KHNYN: variants seen among roughly 807,000 people sequenced by gnomAD.
KHNYN encodes the protein KH and NYN domain containing, also known as protein KHNYN.
A neutral mutation model predicts 62.7 loss-of-function variants in KHNYN; 42 were observed. That is an observed-to-expected ratio of 0.67 (90% confidence interval 0.52 to 0.87). The LOEUF is 0.87. KHNYN is among the 40% of genes least tolerant of loss of function. KHNYN has a pLI of 0.00. For synonymous variants in KHNYN, 347 were observed against 345.6 expected, an observed-to-expected ratio of 1.00 and a Z score of -0.04; for missense variants, 829 against 874.1, an observed-to-expected ratio of 0.95 and a Z score of 0.65.
chr14:24,432,265 C>T lies in KHNYN; in HGVS notation c.1004C>T (p.Ala335Val). 1 of 1,612,968 alleles carries T rather than the reference C, an allele frequency of 6.2e-7. No individual in the cohort carries two copies. The highest frequency in any genetic ancestry group is 8.5e-7 in the Non-Finnish European group (1 of 1,179,352). The stretch of plus-strand genomic sequence containing the variant: ...GGTGCCCATGGCTCCTGTCACAGGG[C>T]AGCTCAGTCCCGAGGAGCCTCCCTC... ...PPGAHGSCHR[A>V]AQSRGASLLQ... Residue 335 changes from alanine (A) to valine (V), a missense_variant, in exon 3 of 8, where the codon GCA (alanine) becomes GTA (valine). By Grantham distance (64) the Ala-to-Val change is moderately conservative. Transcript: ENST00000553935. This position sits in a 1 kb window ranked among gnomAD's most constrained non-coding sequence, Gnocchi z 5.6.
rs151285340 is a variant in KHNYN at position 24,431,990 on chromosome 14, A to C, written c.729A>C (p.Gly243=). Residue 243 remains glycine (G), a synonymous_variant, in exon 3 of 8, where the codon GGA becomes GGC. Coordinates refer to ENST00000553935, the MANE Select transcript of KHNYN (RefSeq NM_015299.3). The part of the protein sequence containing the change: ...ESLDTGSMGP[G]DCRGARGDTY... The stretch of plus-strand genomic sequence containing the variant: ...TGGACACTGGATCTATGGGACCCGG[A>C]GATTGCAGGGGAGCAAGGGGAGACA... 6 of 1,611,828 alleles carry C rather than the reference A, an allele frequency of 3.7e-6. No individual in the cohort carries two copies. Among genetic ancestry groups the C allele is most frequent in the Non-Finnish European group, 5.1e-6 (6 of 1,178,466 alleles).
chr14:24,440,490 C>T lies in KHNYN; in HGVS notation c.*3205C>T, dbSNP rs775835935. On this transcript the variant is annotated 3_prime_UTR_variant, in exon 8 of 8. Coordinates refer to ENST00000553935, the MANE Select transcript of KHNYN (RefSeq NM_015299.3). ...GCACCACCCCCACGGCCCAGCACAA[C>T]CCCTAGAGCAGGAAAGAGGGAAGGT... The T allele has an allele frequency of 3.1e-6, 5 of 1,602,452 alleles. No individual in the cohort carries two copies. In the South Asian group the frequency reaches 4.5e-5, roughly 14 times the overall value.
At chr14:24,429,613 G>T, upstream of KHNYN, 1 of 1,005,152 alleles carries the variant, frequency 9.9e-7, no homozygotes, top group Non-Finnish European at 1.3e-6. Context: ...TACCCCCTCC[G>T]CCACGATTGC....
chr14:24,431,872 G>A lies in KHNYN; in HGVS notation c.611G>A (p.Gly204Glu). 2 of 1,614,080 alleles carry A rather than the reference G, an allele frequency of 1.2e-6. No individual in the cohort carries two copies. The highest frequency in any genetic ancestry group is 8.5e-7 in the Non-Finnish European group (1 of 1,180,028). ...VQEASSGQGP[G>E]ALASWEGRSS... ...GAGGCGTCTAGTGGGCAGGGGCCAG[G>A]AGCACTGGCTTCTTGGGAGGGGCGG... is the stretch of plus-strand genomic sequence containing the variant. Residue 204 changes from glycine to glutamate, a missense_variant, in exon 3 of 8, where the codon GGA (glycine) becomes GAA (glutamate). Around this residue, in one of 2 missense-constraint regions of KHNYN, gnomAD observed 559 missense variants for 527.0 expected, o/e 1.06. Transcript: ENST00000553935.
rs2043283600 is a variant in KHNYN, at chr14:24,440,260, G to C, written c.*2975G>C. The C allele has an allele frequency of 6.2e-7, 1 of 1,613,854 alleles. No individual in the cohort carries two copies. The highest frequency in any genetic ancestry group is 1.3e-5 in the African/African-American group (1 of 74,940). ...GAGGGATGAAGGCTCGGCGGCCCAG[G>C]GCAGCACCCAAGGTCTGGGCAAACT... On this transcript the variant is annotated 3_prime_UTR_variant, in exon 8 of 8. Coordinates refer to ENST00000553935, the MANE Select transcript of KHNYN (RefSeq NM_015299.3).
chr14:24,436,223 T>A, intron 6 of KHNYN, 44 bp downstream of exon 6: 1 of 1,559,304 alleles, frequency 6.4e-7, no homozygotes, highest in Non-Finnish European at 8.8e-7. Flanking sequence ...GATGCAGATG[T>A]TTTTCTAAAG....
Position 24,440,734 on chromosome 14 carries a change from C to T in KHNYN, c.*3449C>T, listed in dbSNP as rs747313609. 1 of 1,596,778 alleles carries T rather than the reference C, an allele frequency of 6.3e-7. No individual in the cohort carries two copies. Among genetic ancestry groups the T allele is most frequent in the Admixed American group, 1.7e-5 (1 of 57,948 alleles). ...TCTCCTAATCCCATCACTTCCCCAG[C>T]CCAGAGAAGACATTCCAACCCTGTC... On this transcript the variant is annotated 3_prime_UTR_variant, in exon 8 of 8. Transcript: ENST00000553935.
In KHNYN at chr14:24,431,910, C is replaced by A. The variant is rs774385443; in HGVS notation, c.649C>A (p.Leu217Met). ...ASWEGRSSAL[L>M]GAQCQGVRAP... is the part of the protein sequence containing the mutation. The stretch of plus-strand genomic sequence containing the variant: ...TTGGGAGGGGCGGAGCTCAGCCTTG[C>A]TGGGTGCTCAGTGCCAAGGAGTGAG... Residue 217 changes from leucine (L) to methionine (M), a missense_variant, in exon 3 of 8, where the codon CTG becomes ATG. Physicochemically the swap from Leu to Met is conservative, Grantham distance 15 (BLOSUM62 2). Transcript: ENST00000553935. 4 of 1,613,910 alleles carry A rather than the reference C, an allele frequency of 2.5e-6. No individual in the cohort carries two copies. Among genetic ancestry groups the A allele is most frequent in the Non-Finnish European group, 3.4e-6 (4 of 1,179,988 alleles).
upstream of KHNYN, chr14:24,428,884 C>A: frequency 6.3e-7 from 1 of 1,599,102 alleles, no homozygotes; most frequent in Non-Finnish European, 8.5e-7. Context: ...CCCCGGGCCC[C>A]CCTGCAGCAG....
upstream of KHNYN, chr14:24,429,286 G>A (rs916792258): frequency 1.4e-6 from 1 of 698,340 alleles, no homozygotes; most frequent in Non-Finnish European, 2.6e-6. Context: ...GTTGGGCTTT[G>A]GGAGAGAAAG....
In KHNYN at chr14:24,432,195, A is replaced by C; in HGVS notation, c.934A>C (p.Ile312Leu). The change falls in exon 3 of 8, where the codon ATA becomes CTA. Residue 312 changes from isoleucine to leucine, a missense_variant. This residue lies in a region of KHNYN where 559 missense variants were observed against 527.0 expected (regional missense o/e 1.06). Coordinates refer to ENST00000553935, the MANE Select transcript of KHNYN (RefSeq NM_015299.3). The surrounding 1 kb of genome is among the most constrained non-coding windows in gnomAD (Gnocchi z 5.6). ...AGGGAAGGCCCTGGGGAAGGAGGAG[A>C]TAGCTCTGGGAGGAGGAGGGTTCTG... Reference protein sequence around the residue: ...LKGKALGKEEIALGGGGFCVH... With the variant: ...LKGKALGKEELALGGGGFCVH... 6.3e-7 allele frequency: 1 copy of C among 1,580,874 alleles called. No individual in the cohort carries two copies. The highest frequency in any genetic ancestry group is 8.6e-7 in the Non-Finnish European group (1 of 1,161,506).
chr14:24,441,327 C>T lies in KHNYN; in HGVS notation c.*4042C>T. On this transcript the variant is annotated 3_prime_UTR_variant, in exon 8 of 8. Coordinates refer to ENST00000553935, the MANE Select transcript of KHNYN (RefSeq NM_015299.3). ...GTTGTAAGGAATAAATGATAATAAG[C>T]ATAAAACACTTCAAATAGTGGCTGG... 1 of 446,980 alleles carries T rather than the reference C, an allele frequency of 2.2e-6. No homozygotes were observed. Among genetic ancestry groups the T allele is most frequent in the South Asian group, 2.3e-5 (1 of 42,598 alleles). The allele number at this position is 446,980 out of a possible 1,614,324, so 27.7% of individuals were successfully genotyped here.
the KHNYN span, among the ~76,000 whole-genome samples, chr14:24,423,863 C>G: frequency 1.3e-5 from 2 of 152,182 alleles, no homozygotes; most frequent in Non-Finnish European, 2.9e-5. Context: ...CTTTTGGTAC[C>G]TGGAGAGGAC....
At position 24,431,592 on chromosome 14, in the gene KHNYN, C is replaced by T. The variant is rs1177903727; in HGVS notation, c.331C>T (p.Leu111=). 6.2e-7 allele frequency: 1 copy of T among 1,613,444 alleles called. No individual in the cohort carries two copies. Among genetic ancestry groups the T allele is most frequent in the Non-Finnish European group, 8.5e-7 (1 of 1,179,490 alleles). Residue 111 remains leucine, a synonymous_variant, in exon 3 of 8, where the codon CTG becomes TTG. Transcript: ENST00000553935. ...CCTGGCCTGGAGCACGTCAGCCCAT[C>T]TGGTGCCCAGGGCGCCAGGCTCACT... ...DCLAWSTSAH[L]VPRAPGSLMI... is the part of the protein sequence containing the mutation.
Position 24,431,498 on chromosome 14 carries a change from G to T in KHNYN, c.237G>T (p.Gln79His), listed in dbSNP as rs761329938. The T allele has an allele frequency of 8.1e-6, 13 of 1,595,314 alleles. No homozygotes were observed. The highest frequency in any genetic ancestry group is 8.6e-6 in the Non-Finnish European group (10 of 1,165,916). ...AGGGCCTCTGCAGCCCAGAACTGCA[G>T]GATGAAATCCACTACCCGCCCAAAC... ...YLKGLCSPELQDEIHYPPKLH... is the reference protein window; with the variant it reads ...YLKGLCSPELHDEIHYPPKLH... The change falls in exon 3 of 8, where the codon CAG (glutamine) becomes CAT (histidine). Residue 79 changes from glutamine (Q) to histidine (H), a missense_variant. Transcript: ENST00000553935.
rs2139399059 is a variant in KHNYN, at chr14:24,437,804, G to C, written c.*519G>C. ...TGAGCTAGTGAAGAAGGCAGAGGGA[G>C]ACTTGGCTTCTGGTCTCAGCTATGC... On this transcript the variant is annotated 3_prime_UTR_variant, in exon 8 of 8. Coordinates refer to ENST00000553935, the MANE Select transcript of KHNYN (RefSeq NM_015299.3). The surrounding 1 kb of genome is among the most constrained non-coding windows in gnomAD (Gnocchi z 5.5). The C allele has an allele frequency of 6.6e-6, 1 of 152,202 alleles. No homozygotes were observed. The highest frequency in any genetic ancestry group is 2.1e-4 in the South Asian group (1 of 4,862). The allele number at this position is 152,202 out of a possible 1,614,324, so 9.4% of individuals were successfully genotyped here. A position where few individuals can be genotyped will look rare whatever the true frequency, so the allele number is the denominator to read the frequency against.
chr14:24,427,872 C>T (rs1284082904), upstream of KHNYN: 2 of 1,614,028 alleles, frequency 1.2e-6, no homozygotes, highest in Non-Finnish European at 1.7e-6. The surrounding 1 kb of genome is among the most constrained non-coding windows in gnomAD (Gnocchi z 4.4). Flanking sequence ...CGCAGAGACA[C>T]TCGGTCCCCA....
In KHNYN at chr14:24,441,276, A is replaced by T; in HGVS notation, c.*3991A>T. 4.4e-6 allele frequency: 2 copies of T among 453,736 alleles called. No individual in the cohort carries two copies. The highest frequency in any genetic ancestry group is 4.3e-5 in the South Asian group (2 of 46,826). The allele number at this position is 453,736 out of a possible 1,614,324, so 28.1% of individuals were successfully genotyped here. A position where few individuals can be genotyped will look rare whatever the true frequency, so the allele number is the denominator to read the frequency against. ...AGAATTTTCACATCTTTAAAATGGG[A>T]ATAATAGTACCTACCTCATAGGGTT... is the stretch of plus-strand genomic sequence containing the variant. On this transcript the variant is annotated 3_prime_UTR_variant, in exon 8 of 8. Coordinates refer to ENST00000553935, the MANE Select transcript of KHNYN (RefSeq NM_015299.3).
rs1003206938 is a variant in KHNYN, at chr14:24,436,895, A to G, written c.1788-141A>G. The G allele has an allele frequency of 3.0e-5, 33 of 1,105,896 alleles. 1 individual carries two copies. In the Admixed American group the frequency reaches 7.6e-4, roughly 25 times the overall value. 68.5% of individuals were successfully genotyped at this position (1,105,896 alleles called of 1,614,324 possible). ...CCTTCAGAAGTGGGTTGATACTGCC[A>G]CTCAGTGGTCAGCTTCAGGAACTTC... On this transcript the variant is annotated intron_variant, in intron 7 of 7. Coordinates refer to ENST00000553935, the MANE Select transcript of KHNYN (RefSeq NM_015299.3).
Sources: gnomAD v4.1 joint callset for allele counts (sites outside exome capture counted in the v4.1 genomes callset) on GRCh38, gnomAD v4.1.1 for gene constraint, gnomAD v4.1.1 regional missense constraint, Gnocchi (gnomAD v3.1) non-coding constraint, MANE v1.5 for transcripts, NCBI Gene and HGNC (gene_info 2026-07-23, HGNC 2026-07-21) for gene names.